BRINP3: variants seen among roughly 807,000 people sequenced by gnomAD.
BRINP3 encodes BMP/retinoic acid-inducible neural-specific protein 3.
A neutral mutation model predicts 71.0 loss-of-function variants in BRINP3; 19 were observed. That is an observed-to-expected ratio of 0.27 (90% confidence interval 0.19 to 0.39). The LOEUF is 0.39. BRINP3 is among the 10% of genes least tolerant of loss of function. The pLI, the probability that BRINP3 is intolerant of heterozygous loss-of-function variation, is 1.00. For missense variants in BRINP3, 959 were observed against 940.8 expected, an observed-to-expected ratio of 1.02 and a Z score of -0.25; for synonymous variants, 380 against 337.7, an observed-to-expected ratio of 1.13 and a Z score of -1.37.
chr1:190,375,514 C>T (rs900005650), intron 2 of BRINP3, among the ~76,000 whole-genome samples: 3 of 151,810 alleles, frequency 2.0e-5, no homozygotes, highest in African/African-American at 7.2e-5. Flanking sequence ...AAAAGCAGTT[C>T]GTACTACAGA....
chr1:190,439,013 C>A (rs1674645553), intron 2 of BRINP3, among the ~76,000 whole-genome samples: 1 of 151,844 alleles, frequency 6.6e-6, no homozygotes, highest in South Asian at 2.1e-4. Context: ...TTAAAGAGCT[C>A]TTTTCTGATT....
chr1:190,442,906 CTTTTTTTTT>C (rs757648847), intron 2 of BRINP3, among the ~76,000 whole-genome samples: 10 of 101,576 alleles, frequency 9.8e-5, no homozygotes, highest in African/African-American at 3.7e-4. Context: ...GTCTCTGTAT[CTTTTTTTTT>C]TTTTTTTTTT....
At chr1:190,237,575 T>C (rs772843670) in intron 4 of BRINP3, among the ~76,000 whole-genome samples, 14 of 151,870 alleles carry the variant, frequency 9.2e-5, no homozygotes, top group Non-Finnish European at 1.9e-4. Context: ...AGAGGAGCAA[T>C]TGCCATTTTT....
At chr1:190,440,511 G>C (rs1309678539) in intron 2 of BRINP3, among the ~76,000 whole-genome samples, 1 of 151,782 alleles carries the variant, frequency 6.6e-6, no homozygotes, top group Non-Finnish European at 1.5e-5. Context: ...ATGTCAGAAA[G>C]GTGACCAGTA....
At chr1:190,448,683 A>C (rs980134238) in intron 2 of BRINP3, among the ~76,000 whole-genome samples, 1 of 151,854 alleles carries the variant, frequency 6.6e-6, no homozygotes, top group African/African-American at 2.4e-5. Context: ...AACTTTGCTA[A>C]AAGTAGCACA....
At chr1:190,220,547 T>A (rs201307644) in intron 6 of BRINP3, among the ~76,000 whole-genome samples, 231 of 152,104 alleles carry the variant, frequency 1.5e-3, no homozygotes, top group South Asian at 9.6e-3. Flanking sequence ...TAATTTTTTT[T>A]AAAAAAGAAG....
At chr1:190,283,660 A>G (rs1367404570) in intron 2 of BRINP3, among the ~76,000 whole-genome samples, 2 of 148,730 alleles carry the variant, frequency 1.3e-5, no homozygotes, top group Admixed American at 1.4e-4. Flanking sequence ...TATTAAATAT[A>G]GGATATATAA....
chr1:190,295,619 G>A lies in BRINP3; in HGVS notation c.237-13869C>T, dbSNP rs78150981. ...GACTCAGGTTTCTGTTACTTGGGTG[G>A]CAGATTCCTCTCTGGTGCAGAGACG... On this transcript the variant is annotated intron_variant, in intron 2 of 7. Coordinates refer to ENST00000367462, the MANE Select transcript of BRINP3 (RefSeq NM_199051.3). Among the ~76,000 whole-genome samples, 273 of 152,232 alleles carry A rather than the reference G, an allele frequency of 1.8e-3. 3 individuals are homozygous for A. The highest frequency in any genetic ancestry group is 6.1e-3 in the African/African-American group (254 of 41,552).
chr1:190,399,607 C>A lies in BRINP3; in HGVS notation c.236+55048G>T, dbSNP rs74130735. Among the ~76,000 whole-genome samples, 646 of 152,056 alleles carry A rather than the reference C, an allele frequency of 4.2e-3. 7 individuals are homozygous for A. Among genetic ancestry groups the A allele is most frequent in the African/African-American group, 0.014 (599 of 41,514 alleles). On this transcript the variant is annotated intron_variant, in intron 2 of 7. Coordinates refer to ENST00000367462, the MANE Select transcript of BRINP3 (RefSeq NM_199051.3). Reference sequence around the variant, plus strand: ...GTAAATGCAGATACAAGTGAAGCTGCAAGAGAAATATATTACATAATGTTT... The same window carrying A: ...GTAAATGCAGATACAAGTGAAGCTGAAAGAGAAATATATTACATAATGTTT...
chr1:190,233,262 A>G (rs1163937923), intron 5 of BRINP3, among the ~76,000 whole-genome samples: 2 of 152,070 alleles, frequency 1.3e-5, no homozygotes, highest in Non-Finnish European at 2.9e-5. Flanking sequence ...GTGTGGTCAT[A>G]GCTCACTGCA....
intron 2 of BRINP3, among the ~76,000 whole-genome samples, chr1:190,381,485 A>G (rs1670546912): frequency 6.6e-6 from 1 of 152,186 alleles, no homozygotes; most frequent in South Asian, 2.1e-4. Context: ...CATAAAATGA[A>G]GAAAATGTAT....
At chr1:190,356,654 C>T (rs948286219) in intron 2 of BRINP3, among the ~76,000 whole-genome samples, 7 of 151,840 alleles carry the variant, frequency 4.6e-5, no homozygotes, top group Admixed American at 1.3e-4. Context: ...TGAGAATGAG[C>T]CTAACCAAAT....
chr1:190,320,247 A>T (rs2103048387), intron 2 of BRINP3, among the ~76,000 whole-genome samples: 1 of 152,214 alleles, frequency 6.6e-6, no homozygotes, highest in Admixed American at 6.5e-5. Flanking sequence ...AATATCATCT[A>T]TGCATACAGG....
intron 2 of BRINP3, among the ~76,000 whole-genome samples, chr1:190,318,943 C>G (rs920410688): frequency 2.0e-5 from 3 of 152,016 alleles, no homozygotes; most frequent in African/African-American, 7.2e-5. Context: ...CTATATATTT[C>G]ATTCTATCTT....
intron 6 of BRINP3, among the ~76,000 whole-genome samples, chr1:190,201,005 G>T (rs913197698): frequency 6.6e-6 from 1 of 152,098 alleles, no homozygotes; most frequent in Non-Finnish European, 1.5e-5. Context: ...TTGCTGAAAA[G>T]ATACCCAAAA....
chr1:190,152,916 A>G (rs1656541665), intron 7 of BRINP3, among the ~76,000 whole-genome samples: 1 of 152,158 alleles, frequency 6.6e-6, no homozygotes. Context: ...ACTAATTTCA[A>G]CTCACAACTG....
intron 2 of BRINP3, among the ~76,000 whole-genome samples, chr1:190,326,291 A>C (rs769344270): frequency 5.3e-5 from 8 of 152,242 alleles, no homozygotes; most frequent in Middle Eastern, 3.4e-3. Context: ...AGTTATGTAA[A>C]GTGACCAAAG....
intron 2 of BRINP3, among the ~76,000 whole-genome samples, chr1:190,344,491 G>A (rs1254154632): frequency 6.6e-6 from 1 of 151,818 alleles, no homozygotes; most frequent in Admixed American, 6.6e-5. Context: ...AGATTTGATT[G>A]TCTATTACTA....
intron 2 of BRINP3, among the ~76,000 whole-genome samples, chr1:190,398,165 A>G (rs892247028): frequency 2.0e-5 from 3 of 151,980 alleles, no homozygotes; most frequent in African/African-American, 7.2e-5. Context: ...AAATGATCCT[A>G]TCATTAATGC....
Sources: gnomAD v4.1 joint callset for allele counts (sites outside exome capture counted in the v4.1 genomes callset) on GRCh38, gnomAD v4.1.1 for gene constraint, MANE v1.5 for transcripts, NCBI Gene and HGNC (gene_info 2026-07-23, HGNC 2026-07-21) for gene names.